The following DTNA variants were observed in gnomAD, a reference collection of about 807,000 sequenced individuals.
DTNA encodes the protein dystrophin-related protein 3.
DTNA carries 43 observed loss-of-function variants against 100.7 expected under a neutral mutation model. That is an observed-to-expected ratio of 0.43 (90% CI 0.33 to 0.55). The LOEUF (loss-of-function observed/expected upper bound fraction) is 0.55, where lower values mean the gene tolerates loss of function less well. Among genes scored for constraint, DTNA ranks in the 20% least tolerant of loss-of-function variants. DTNA has a pLI of 0.04. For missense variants in DTNA, 798 were observed against 953.9 expected, an observed-to-expected ratio of 0.84 and a Z score of 2.15; for synonymous variants, 349 against 347.9, an observed-to-expected ratio of 1.00 and a Z score of -0.04.
At chr18:34,646,890 A>G (rs963970077) in intron 1 of DTNA, among the ~76,000 whole-genome samples, 3 of 151,562 alleles carry the variant, frequency 2.0e-5, no homozygotes, top group Non-Finnish European at 4.4e-5. Context: ...TAATTTTTGT[A>G]TTTTTCGTAG....
chr18:34,526,801 A>G (rs1180115233), intron 1 of DTNA, among the ~76,000 whole-genome samples: 1 of 152,122 alleles, frequency 6.6e-6, no homozygotes, highest in Non-Finnish European at 1.5e-5. Flanking sequence ...TCAATGAGCA[A>G]GAGATGAGAA....
intron 1 of DTNA, among the ~76,000 whole-genome samples, chr18:34,676,709 C>T (rs1183986842): frequency 2.6e-5 from 4 of 152,066 alleles, no homozygotes; most frequent in Admixed American, 2.0e-4. Context: ...GTGCTGAGCA[C>T]CTGTAGTCCC....
intron 1 of DTNA, among the ~76,000 whole-genome samples, chr18:34,644,027 C>T (rs2059575206): frequency 1.3e-5 from 2 of 151,966 alleles, no homozygotes; most frequent in African/African-American, 4.8e-5. Flanking sequence ...CTTATCATGG[C>T]CAATGTAATT....
intron 1 of DTNA, among the ~76,000 whole-genome samples, chr18:34,613,996 G>A (rs187888191): frequency 1.2e-3 from 189 of 152,268 alleles, no homozygotes; most frequent in Non-Finnish European, 2.3e-3. Flanking sequence ...AGCTTCAAAG[G>A]ATAAGGTGCC....
chr18:34,686,532 C>T (rs2078925065), intron 1 of DTNA, among the ~76,000 whole-genome samples: 1 of 152,106 alleles, frequency 6.6e-6, no homozygotes, highest in Non-Finnish European at 1.5e-5. Flanking sequence ...CTGCTGGATT[C>T]AGTTTGCCAG....
chr18:34,780,389 A>G (rs1486709325), intron 3 of DTNA, among the ~76,000 whole-genome samples: 1 of 152,222 alleles, frequency 6.6e-6, no homozygotes, highest in Non-Finnish European at 1.5e-5. Flanking sequence ...TTGTCACCAA[A>G]AAACACTGGA....
chr18:34,646,591 G>A (rs952727556), intron 1 of DTNA, among the ~76,000 whole-genome samples: 1 of 152,120 alleles, frequency 6.6e-6, no homozygotes, highest in African/African-American at 2.4e-5. Flanking sequence ...ATATGACATC[G>A]GAAGTACCAA....
intron 20 of DTNA, among the ~76,000 whole-genome samples, 162 bp downstream of exon 20, chr18:34,879,881 C>A (rs558583536): frequency 6.6e-6 from 1 of 152,084 alleles, no homozygotes; most frequent in African/African-American, 2.4e-5. Context: ...CATTTAAATT[C>A]GGCATTGTAA....
intron 1 of DTNA, among the ~76,000 whole-genome samples, chr18:34,721,711 C>A (rs16965808): frequency 0.11 from 16,698 of 152,090 alleles, 1,296 homozygotes; most frequent in African/African-American, 0.21. Flanking sequence ...CATGCAACAC[C>A]CAAACAATAT....
chr18:34,761,221 T>C (rs2036093822), intron 2 of DTNA, among the ~76,000 whole-genome samples: 1 of 152,096 alleles, frequency 6.6e-6, no homozygotes, highest in Admixed American at 6.5e-5. Context: ...CATCATAGGC[T>C]TCATTTTTAT....
intron 4 of DTNA, among the ~76,000 whole-genome samples, chr18:34,802,556 G>C (rs963627646): frequency 3.9e-5 from 6 of 152,148 alleles, no homozygotes; most frequent in African/African-American, 1.4e-4. Flanking sequence ...GTTAATGCCA[G>C]TGCCTTTTTT....
intron 1 of DTNA, among the ~76,000 whole-genome samples, chr18:34,546,588 A>G (rs752805258): frequency 1.3e-5 from 2 of 152,114 alleles, no homozygotes; most frequent in Admixed American, 1.3e-4. Context: ...AGACATAATC[A>G]ATGCATCCAA....
At chr18:34,557,758 A>G (rs1362259165) in intron 1 of DTNA, among the ~76,000 whole-genome samples, 1 of 151,314 alleles carries the variant, frequency 6.6e-6, no homozygotes, top group African/African-American at 2.4e-5. Flanking sequence ...TGGGAGAACC[A>G]CTGCCCTCTT....
At chr18:34,591,837 G>T (rs1352457601) in intron 1 of DTNA, among the ~76,000 whole-genome samples, 1 of 152,106 alleles carries the variant, frequency 6.6e-6, no homozygotes, top group Non-Finnish European at 1.5e-5. Context: ...CTAAAAGCTG[G>T]TAAGCCACCA....
At position 34,702,130 on chromosome 18, in the gene DTNA, T is replaced by TA. The variant is rs1244823540; in HGVS notation, c.-1-53846_-1-53845insA. The stretch of plus-strand genomic sequence containing the variant: ...CTCCAGCCACACTGCTGTTCCTGCA[T>TA]TCCTCCATCACACCAGGCTTCCTCC... On this transcript the variant is annotated intron_variant, in intron 1 of 19. Transcript: ENST00000283365. Among the ~76,000 whole-genome samples the TA allele has an allele frequency of 7.9e-5, 12 of 152,266 alleles. No individual in the cohort carries two copies. The East Asian group carries it at 2.3e-3, about 29-fold the overall frequency.
At chr18:34,741,940 A>G (rs1407799917) in intron 1 of DTNA, among the ~76,000 whole-genome samples, 2 of 152,204 alleles carry the variant, frequency 1.3e-5, no homozygotes, top group Non-Finnish European at 2.9e-5. Context: ...GAGTTCTTTA[A>G]ATTTCACTTC....
chr18:34,826,902 AGTTG>A (rs575819301), intron 9 of DTNA, among the ~76,000 whole-genome samples: 180 of 152,310 alleles, frequency 1.2e-3, no homozygotes, highest in African/African-American at 4.1e-3. Flanking sequence ...GACTCCATGC[AGTTG>A]GTGTGTAGAA....
chr18:34,798,939 G>C (rs2095099959), intron 4 of DTNA, among the ~76,000 whole-genome samples: 1 of 152,162 alleles, frequency 6.6e-6, no homozygotes, highest in African/African-American at 2.4e-5. Context: ...ACTGTTTTAA[G>C]CTCAGCTCTA....
At chr18:34,703,181 A>G (rs999686790) in intron 1 of DTNA, among the ~76,000 whole-genome samples, 2 of 152,228 alleles carry the variant, frequency 1.3e-5, no homozygotes, top group African/African-American at 4.8e-5. Context: ...AAGAATTTAA[A>G]TACAAAACTG....
Sources: allele counts gnomAD v4.1 joint callset (sites outside exome capture counted in the v4.1 genomes callset), GRCh38; gene constraint gnomAD v4.1.1; transcripts MANE v1.5; gene names NCBI Gene and HGNC (gene_info 2026-07-23, HGNC 2026-07-21).